The following TMEM232 variants were observed in gnomAD, a reference collection of about 807,000 sequenced individuals.
The protein encoded by TMEM232 is transmembrane protein 232.
In TMEM232, 80 loss-of-function variants were observed where a neutral mutation model predicts 78.8. The observed-to-expected ratio is 1.01, with a 90% CI of 0.85 to 1.22. The LOEUF (loss-of-function observed/expected upper bound fraction) is 1.22, where lower values mean the gene tolerates loss of function less well. Among genes scored for constraint, TMEM232 ranks in the 50% most tolerant of loss-of-function variants. The pLI is 0.00. For missense variants in TMEM232, 881 were observed against 742.2 expected, an observed-to-expected ratio of 1.19 and a Z score of -2.17; for synonymous variants, 297 against 254.3, an observed-to-expected ratio of 1.17 and a Z score of -1.60.
intron 8 of TMEM232, 48 bp downstream of exon 8, chr5:110,618,380 CA>C: frequency 6.5e-7 from 1 of 1,540,728 alleles, no homozygotes; most frequent in South Asian, 1.2e-5. Context: ...AACATTTAAG[CA>C]CAAAGATTTC....
chr5:110,473,649 C>A (rs144243134), intron 12 of TMEM232, among the ~76,000 whole-genome samples: 1 of 150,600 alleles, frequency 6.6e-6, no homozygotes, highest in African/African-American at 2.4e-5. Context: ...GGTATATATT[C>A]AAAGGAAATC....
At chr5:110,582,958 G>C (rs1178408250) in intron 10 of TMEM232, among the ~76,000 whole-genome samples, 3 of 151,876 alleles carry the variant, frequency 2.0e-5, no homozygotes, top group Admixed American at 2.0e-4. Context: ...AAGCAAATTA[G>C]TTAGACTTCT....
chr5:110,405,288 CA>C (rs1353782432), intron 2 of TMEM232, among the ~76,000 whole-genome samples: 2 of 152,016 alleles, frequency 1.3e-5, no homozygotes, highest in Admixed American at 6.6e-5. Flanking sequence ...AACTTTCAAA[CA>C]GGGGCAGTGG....
chr5:110,442,701 G>A (rs1433952877), intron 12 of TMEM232, among the ~76,000 whole-genome samples: 1 of 151,942 alleles, frequency 6.6e-6, no homozygotes, highest in East Asian at 1.9e-4. Flanking sequence ...CTGGTGTCTG[G>A]GCATTGAAAA....
At chr5:110,549,510 G>A (rs1194653223) in intron 11 of TMEM232, among the ~76,000 whole-genome samples, 1 of 150,954 alleles carries the variant, frequency 6.6e-6, no homozygotes, top group Non-Finnish European at 1.5e-5. Context: ...AGCTACTCGG[G>A]AGGCTGAGAC....
intron 11 of TMEM232, among the ~76,000 whole-genome samples, chr5:110,538,356 A>G (rs1357407231): frequency 6.6e-6 from 1 of 152,184 alleles, no homozygotes; most frequent in East Asian, 1.9e-4. Context: ...TACTGCTGTT[A>G]TGGTGTATAA....
chr5:110,415,067 G>C (rs1423905777), downstream of TMEM232, among the ~76,000 whole-genome samples: 1 of 152,258 alleles, frequency 6.6e-6, no homozygotes, highest in African/African-American at 2.4e-5. Flanking sequence ...TCCTGCAGGA[G>C]CTAATGCTAC....
chr5:110,600,031 T>A (rs1325518656), intron 10 of TMEM232, among the ~76,000 whole-genome samples: 2 of 152,106 alleles, frequency 1.3e-5, no homozygotes, highest in Admixed American at 1.3e-4. Flanking sequence ...CAAAACTACA[T>A]GAAAACTCAA....
At chr5:110,557,894 G>C (rs1244428443) in intron 11 of TMEM232, among the ~76,000 whole-genome samples, 1 of 152,128 alleles carries the variant, frequency 6.6e-6, no homozygotes, top group Non-Finnish European at 1.5e-5. Flanking sequence ...CAGAGTTCTT[G>C]TACAGGTTCT....
chr5:110,469,774 G>A (rs1762472424), intron 12 of TMEM232, among the ~76,000 whole-genome samples: 1 of 152,192 alleles, frequency 6.6e-6, no homozygotes, highest in Non-Finnish European at 1.5e-5. Flanking sequence ...GCTAAGCGGA[G>A]CAGCTATGTA....
At chr5:110,625,866 A>T (rs1448586279) in intron 6 of TMEM232, among the ~76,000 whole-genome samples, 1 of 151,876 alleles carries the variant, frequency 6.6e-6, no homozygotes, top group Non-Finnish European at 1.5e-5. Flanking sequence ...TTACAACAAT[A>T]TGTTGTAAAT....
chr5:110,579,312 C>T lies in TMEM232; in HGVS notation c.1277-10687G>A, dbSNP rs139299089. 3.5e-4 allele frequency among the ~76,000 whole-genome samples: 52 copies of T among 148,278 alleles called. 1 individual carries two copies. The East Asian group carries it at 0.01, about 30-fold the overall frequency. ...CAGACAAACAAAAGTTGAGGGAACA[C>T]ATTATAACTAGAATTGCCTTACAAC... On this transcript the variant is annotated intron_variant, in intron 10 of 13. Transcript: ENST00000455884.
intron 1 of TMEM232, among the ~76,000 whole-genome samples, chr5:110,675,602 G>A (rs1561495666): frequency 1.3e-5 from 2 of 152,254 alleles, no homozygotes; most frequent in East Asian, 3.9e-4. Context: ...CCAGGTAACA[G>A]ACTAGCTCAG....
chr5:110,407,719 T>A (rs1755842288), intron 2 of TMEM232, among the ~76,000 whole-genome samples: 1 of 152,160 alleles, frequency 6.6e-6, no homozygotes, highest in South Asian at 2.1e-4. Flanking sequence ...TGCTGCAGAA[T>A]ACGCTTTCTT....
chr5:110,545,898 T>G (rs1018422930), intron 11 of TMEM232, among the ~76,000 whole-genome samples: 1 of 152,130 alleles, frequency 6.6e-6, no homozygotes, highest in African/African-American at 2.4e-5. Context: ...GAATTGCCTA[T>G]ACAGAAAAAC....
intron 11 of TMEM232, among the ~76,000 whole-genome samples, chr5:110,531,728 C>T (rs1771514191): frequency 6.6e-6 from 1 of 152,084 alleles, no homozygotes; most frequent in Non-Finnish European, 1.5e-5. Context: ...TTTCTTTATC[C>T]CAAATCAGAT....
chr5:110,727,712 G>A (rs1258212436), upstream of TMEM232, among the ~76,000 whole-genome samples: 3 of 152,102 alleles, frequency 2.0e-5, no homozygotes, highest in Non-Finnish European at 2.9e-5. Flanking sequence ...GAACTACTTC[G>A]ATTCGGAATT....
intron 11 of TMEM232, among the ~76,000 whole-genome samples, chr5:110,542,316 A>G (rs1347516746): frequency 6.6e-6 from 1 of 152,156 alleles, no homozygotes; most frequent in Non-Finnish European, 1.5e-5. Flanking sequence ...AACTAAGCAG[A>G]ATGTTTTAAT....
At chr5:110,478,897 A>ATTTTTT (rs746104997) in intron 12 of TMEM232, among the ~76,000 whole-genome samples, 3 of 111,788 alleles carry the variant, frequency 2.7e-5, no homozygotes, top group Non-Finnish European at 3.8e-5. Context: ...GGAGAAATTG[A>ATTTTTT]TTTTTTTTTT....
Sources: gnomAD v4.1 joint callset for allele counts (sites outside exome capture counted in the v4.1 genomes callset) on GRCh38, gnomAD v4.1.1 for gene constraint, MANE v1.5 for transcripts, NCBI Gene and HGNC (gene_info 2026-07-23, HGNC 2026-07-21) for gene names.